PDE12: variants seen among roughly 807,000 people sequenced by gnomAD.
The protein encoded by PDE12 is phosphodiesterase 12.
In PDE12, 26 loss-of-function variants were observed where a neutral mutation model predicts 45.4. The ratio of observed to expected loss-of-function variants is 0.57; its 90% CI spans 0.42 to 0.79. The LOEUF (loss-of-function observed/expected upper bound fraction) is 0.79. Ranked by LOEUF, PDE12 falls within the 30% of genes least tolerant of loss-of-function variation. PDE12 has a pLI of 0.00. For synonymous variants in PDE12, 283 were observed against 323.9 expected (o/e 0.87, Z 1.36); for missense variants, 668 against 790.0 (o/e 0.85, Z 1.85).
At chr3:57,579,553 GCT>G in the PDE12 span, among the ~76,000 whole-genome samples, 1,027 of 152,186 alleles carry the variant, frequency 6.7e-3, 10 homozygotes, top group African/African-American at 0.023. Context: ...CTCCCAAAGT[GCT>G]GGGATTACAG....
At chr3:57,648,356 C>T in the PDE12 span, among the ~76,000 whole-genome samples, 1 of 152,080 alleles carries the variant, frequency 6.6e-6, no homozygotes, top group African/African-American at 2.4e-5. Context: ...ACAGACGACA[C>T]AAACAAATGG....
chr3:57,573,095 A>G, the PDE12 span, among the ~76,000 whole-genome samples: 6 of 151,522 alleles, frequency 4.0e-5, no homozygotes, highest in African/African-American at 1.5e-4. Flanking sequence ...CCAGCTACTC[A>G]GGAGGCTGAG....
the PDE12 span, among the ~76,000 whole-genome samples, chr3:57,619,173 C>T: frequency 6.6e-6 from 1 of 151,562 alleles, no homozygotes; most frequent in Non-Finnish European, 1.5e-5. Flanking sequence ...ACGGTGAAAC[C>T]CCGTCTTTAC....
the PDE12 span, among the ~76,000 whole-genome samples, chr3:57,613,319 A>T: frequency 7.0e-6 from 1 of 143,046 alleles, no homozygotes; most frequent in Admixed American, 7.0e-5. Flanking sequence ...TTTTTGAGAC[A>T]ATCTTACTCT....
At chr3:57,628,750 A>T in the PDE12 span, 3 of 1,535,322 alleles carry the variant, frequency 2.0e-6, no homozygotes, top group Non-Finnish European at 2.7e-6. Context: ...GTCAGCTCAC[A>T]TGAGAGGACA....
downstream of PDE12, among the ~76,000 whole-genome samples, chr3:57,570,002 T>C (rs2069821659): frequency 6.6e-6 from 1 of 152,022 alleles, no homozygotes; most frequent in Admixed American, 6.6e-5. Context: ...TGTTTTATAT[T>C]TCCTAGTTGA....
chr3:57,577,679 T>G, the PDE12 span, among the ~76,000 whole-genome samples: 1 of 152,170 alleles, frequency 6.6e-6, no homozygotes, highest in Non-Finnish European at 1.5e-5. Context: ...CACTCTCACA[T>G]TTAAGTGCAG....
the PDE12 span, among the ~76,000 whole-genome samples, chr3:57,633,669 A>G: frequency 6.6e-6 from 1 of 152,260 alleles, no homozygotes; most frequent in South Asian, 2.1e-4. Flanking sequence ...TGGGTGGATT[A>G]CCTGAGGTCA....
the PDE12 span, among the ~76,000 whole-genome samples, chr3:57,604,621 G>T: frequency 8.6e-5 from 7 of 81,782 alleles, no homozygotes; most frequent in Non-Finnish European, 1.3e-4. Context: ...TTTTTTTGGG[G>T]GGGGTGGGTG....
At chr3:57,601,222 G>C in the PDE12 span, among the ~76,000 whole-genome samples, 3 of 151,994 alleles carry the variant, frequency 2.0e-5, no homozygotes, top group African/African-American at 7.3e-5. Context: ...CGATTCTCCT[G>C]TATCAGCCTC....
chr3:57,647,381 GGTAGGT>G, the PDE12 span, among the ~76,000 whole-genome samples: 1 of 152,148 alleles, frequency 6.6e-6, no homozygotes. Context: ...AGCAGAACAT[GGTAGGT>G]ATCTCTGCCA....
At chr3:57,590,929 T>C in the PDE12 span, among the ~76,000 whole-genome samples, 6 of 152,218 alleles carry the variant, frequency 3.9e-5, no homozygotes, top group Non-Finnish European at 5.9e-5. Flanking sequence ...TAATTTAAAA[T>C]TGAATATTTA....
At chr3:57,649,800 AC>A in the PDE12 span, among the ~76,000 whole-genome samples, 1 of 147,204 alleles carries the variant, frequency 6.8e-6, no homozygotes, top group Non-Finnish European at 1.5e-5. Flanking sequence ...TGTTGGATTG[AC>A]CCCCCACCCC....
rs988491097 is a variant in PDE12, at chr3:57,565,576, G to A, written c.*5572G>A. 6.6e-6 allele frequency: 1 copy of A among 152,192 alleles called. No individual in the cohort carries two copies. The highest frequency in any genetic ancestry group is 1.5e-5 in the Non-Finnish European group (1 of 68,072). The allele number at this position is 152,192 out of a possible 1,614,324, so 9.4% of individuals were successfully genotyped here. On this transcript the variant is annotated 3_prime_UTR_variant, in exon 3 of 3. Transcript: ENST00000311180. ...AATCCCAGCACTCTGGGAGGCTGAG[G>A]CCGGTGGATCATGAGGTCAGATCGA...
At chr3:57,633,306 G>A in the PDE12 span, 5 of 1,613,684 alleles carry the variant, frequency 3.1e-6, no homozygotes, top group East Asian at 2.2e-5. Flanking sequence ...AAAAAATAGC[G>A]TCGAAGAATA....
the PDE12 span, among the ~76,000 whole-genome samples, chr3:57,578,829 C>G: frequency 1.3e-5 from 2 of 151,170 alleles, no homozygotes; most frequent in East Asian, 3.9e-4. Context: ...TAGGAAGCAA[C>G]TAGTTGAACT....
chr3:57,634,824 A>T, the PDE12 span: 1 of 1,377,912 alleles, frequency 7.3e-7, no homozygotes, highest in Non-Finnish European at 9.7e-7. Context: ...CATATTACAA[A>T]ATTGGAACTT....
chr3:57,577,983 G>A, the PDE12 span, among the ~76,000 whole-genome samples: 29 of 152,160 alleles, frequency 1.9e-4, no homozygotes, highest in African/African-American at 6.0e-4. Context: ...AGCCCGAGAC[G>A]GAGGTTGCAG....
At chr3:57,617,241 C>T in the PDE12 span, among the ~76,000 whole-genome samples, 2 of 151,564 alleles carry the variant, frequency 1.3e-5, no homozygotes, top group South Asian at 4.2e-4. Context: ...CTCATCTCTA[C>T]CAAAAATTTA....
Sources: gnomAD v4.1 joint callset for allele counts (sites outside exome capture counted in the v4.1 genomes callset) on GRCh38, gnomAD v4.1.1 for gene constraint, MANE v1.5 for transcripts, NCBI Gene and HGNC (gene_info 2026-07-23, HGNC 2026-07-21) for gene names.